TP63: variants seen among roughly 807,000 people sequenced by gnomAD.
The protein encoded by TP63 is tumor protein p63, also known as tumor protein 63.
Under a neutral mutation model 82.8 loss-of-function variants are expected in TP63, and 17 were observed. That is an observed-to-expected ratio of 0.21 (90% CI 0.14 to 0.31). The LOEUF (loss-of-function observed/expected upper bound fraction) is 0.31, where lower values mean the gene tolerates loss of function less well. TP63 is among the 10% of genes least tolerant of loss of function. The pLI is 1.00. For synonymous variants in TP63, 330 were observed against 321.7 expected (o/e 1.03, Z -0.28); for missense variants, 648 against 895.3 (o/e 0.72, Z 3.52).
intron 1 of TP63, among the ~76,000 whole-genome samples, chr3:189,703,208 C>T (rs760884305): frequency 2.6e-5 from 4 of 152,142 alleles, no homozygotes; most frequent in East Asian, 1.9e-4. Flanking sequence ...CCAAGGCCAG[C>T]GGATTTGTTG....
chr3:189,828,989 C>T (rs917963872), intron 4 of TP63, among the ~76,000 whole-genome samples: 5 of 152,158 alleles, frequency 3.3e-5, no homozygotes, highest in Non-Finnish European at 5.9e-5. Context: ...GCCTTTGACT[C>T]GTGGTTGGTC....
At position 189,691,196 on chromosome 3, in the gene TP63, G is replaced by A. The variant is rs574831849; in HGVS notation, c.63-46544G>A. Among the ~76,000 whole-genome samples the A allele has an allele frequency of 2.0e-4, 30 of 151,510 alleles. No individual in the cohort carries two copies. In the East Asian group the frequency reaches 4.7e-3, roughly 24 times the overall value. On this transcript the variant is annotated intron_variant, in intron 1 of 13. Transcript: ENST00000264731. Reference sequence around the variant, plus strand: ...TCTATTAAAAATACAAAAATTAGCCGGGCGTGGTGGTGCACGCCTGTAATC... The same window carrying A: ...TCTATTAAAAATACAAAAATTAGCCAGGCGTGGTGGTGCACGCCTGTAATC...
At chr3:189,807,726 G>T (rs982427080) in intron 3 of TP63, among the ~76,000 whole-genome samples, 1 of 152,102 alleles carries the variant, frequency 6.6e-6, no homozygotes, top group African/African-American at 2.4e-5. Flanking sequence ...CAGTCCTTAG[G>T]GGGCTGGGTG....
At chr3:189,639,668 G>A (rs1711639195) in intron 1 of TP63, among the ~76,000 whole-genome samples, 1 of 151,974 alleles carries the variant, frequency 6.6e-6, no homozygotes, top group East Asian at 1.9e-4. Context: ...ATAATTGAGG[G>A]CAAAACCAGC....
chr3:189,616,566 A>C, the TP63 span, among the ~76,000 whole-genome samples: 1 of 152,202 alleles, frequency 6.6e-6, no homozygotes, highest in Non-Finnish European at 1.5e-5. Flanking sequence ...CATTGCTCAT[A>C]TAACTGCAGT....
chr3:189,827,797 C>G (rs190889776), intron 4 of TP63, among the ~76,000 whole-genome samples: 48 of 152,210 alleles, frequency 3.2e-4, no homozygotes, highest in African/African-American at 9.9e-4. Flanking sequence ...GAGTTTGGCT[C>G]TAGTCCTGCA....
rs148593637 is a variant in TP63 at position 189,819,631 on chromosome 3, A to G, written c.579+11105A>G. On this transcript the variant is annotated intron_variant, in intron 4 of 13. Coordinates refer to ENST00000264731, the MANE Select transcript of TP63 (RefSeq NM_003722.5). The stretch of plus-strand genomic sequence containing the variant: ...CAAATAAACATTTTTAATACTGCTT[A>G]AGTCAAGTCTTTTACAAATAGAATT... Among the ~76,000 whole-genome samples, 304 of 152,290 alleles carry G rather than the reference A, an allele frequency of 2.0e-3. 1 individual carries two copies. Among genetic ancestry groups the G allele is most frequent in the African/African-American group, 7.0e-3 (292 of 41,552 alleles).
intron 1 of TP63, among the ~76,000 whole-genome samples, chr3:189,664,585 T>A (rs1047451011): frequency 2.6e-5 from 4 of 152,148 alleles, no homozygotes; most frequent in Non-Finnish European, 4.4e-5. Context: ...TGATTCAAGA[T>A]GTCATTTTTT....
intron 1 of TP63, among the ~76,000 whole-genome samples, chr3:189,732,395 C>A (rs1408354532): frequency 6.6e-6 from 1 of 152,130 alleles, no homozygotes; most frequent in Non-Finnish European, 1.5e-5. Context: ...ATTGTTTTGA[C>A]CCAAGGTTAC....
At chr3:189,665,917 A>C (rs1234446750) in intron 1 of TP63, among the ~76,000 whole-genome samples, 2 of 152,042 alleles carry the variant, frequency 1.3e-5, no homozygotes, top group Non-Finnish European at 2.9e-5. Context: ...CATTATTTGA[A>C]CCTGGGTCAA....
chr3:189,883,798 A>T (rs1720168069), intron 10 of TP63, among the ~76,000 whole-genome samples: 1 of 152,140 alleles, frequency 6.6e-6, no homozygotes, highest in Non-Finnish European at 1.5e-5. Context: ...GTGGTTTCTG[A>T]CCTACCCTCC....
chr3:189,604,761 T>A, the TP63 span, among the ~76,000 whole-genome samples: 2 of 152,166 alleles, frequency 1.3e-5, no homozygotes, highest in African/African-American at 4.8e-5. Flanking sequence ...GCAAAAATAT[T>A]AACAAAATTG....
intron 4 of TP63, among the ~76,000 whole-genome samples, chr3:189,819,438 T>TC (rs1654653628): frequency 6.6e-6 from 1 of 152,000 alleles, no homozygotes; most frequent in South Asian, 2.1e-4. Flanking sequence ...ATGCTATCCC[T>TC]CCCCCCTTCC....
At chr3:189,696,290 G>A (rs1191413697) in intron 1 of TP63, among the ~76,000 whole-genome samples, 1 of 151,976 alleles carries the variant, frequency 6.6e-6, no homozygotes, top group East Asian at 1.9e-4. Flanking sequence ...TCATATACTT[G>A]GAATCATATG....
chr3:189,690,771 C>T (rs1716852705), intron 1 of TP63, among the ~76,000 whole-genome samples: 1 of 152,164 alleles, frequency 6.6e-6, no homozygotes, highest in Non-Finnish European at 1.5e-5. Context: ...TCTATTAATG[C>T]AATTTCTGAT....
intron 1 of TP63, among the ~76,000 whole-genome samples, chr3:189,718,774 A>T (rs962956619): frequency 2.0e-5 from 3 of 152,084 alleles, no homozygotes; most frequent in African/African-American, 7.2e-5. Flanking sequence ...GGGGGTAGAG[A>T]ACCTATACAT....
intron 3 of TP63, among the ~76,000 whole-genome samples, chr3:189,760,794 G>T (rs183991625): frequency 6.6e-6 from 1 of 152,322 alleles, no homozygotes. Context: ...TGAGGACCCT[G>T]CCTTGACAGT....
At chr3:189,636,747 G>T (rs1244491119) in intron 1 of TP63, among the ~76,000 whole-genome samples, 1 of 152,104 alleles carries the variant, frequency 6.6e-6, no homozygotes, top group Non-Finnish European at 1.5e-5. Flanking sequence ...CCAATTTTTG[G>T]TGAATCAGTG....
intron 1 of TP63, among the ~76,000 whole-genome samples, chr3:189,655,960 A>G (rs1349026664): frequency 6.6e-6 from 1 of 152,210 alleles, no homozygotes; most frequent in African/African-American, 2.4e-5. Context: ...AAAGACATTG[A>G]CAGGGACTCA....
Sources: allele counts gnomAD v4.1 joint callset (sites outside exome capture counted in the v4.1 genomes callset), GRCh38; gene constraint gnomAD v4.1.1; transcripts MANE v1.5; gene names NCBI Gene and HGNC (gene_info 2026-07-23, HGNC 2026-07-21).